HSD11B2: variants seen among roughly 807,000 people sequenced by gnomAD.
HSD11B2 encodes 11-beta-hydroxysteroid dehydrogenase type 2.
HSD11B2 carries 17 observed loss-of-function variants against 20.9 expected under a neutral mutation model. That is an observed-to-expected ratio of 0.81 (90% CI 0.56 to 1.22). HSD11B2 has a LOEUF of 1.22. Among genes scored for constraint, HSD11B2 ranks in the 50% most tolerant of loss-of-function variants. HSD11B2 has a pLI of 0.00. For missense variants in HSD11B2, 480 were observed against 563.6 expected (o/e 0.85, Z 1.50); for synonymous variants, 253 against 255.4 (o/e 0.99, Z 0.09).
At chr16:67,432,171 G>A (rs145739627) in intron 1 of HSD11B2, among the ~76,000 whole-genome samples, 1 of 152,144 alleles carries the variant, frequency 6.6e-6, no homozygotes, top group African/African-American at 2.4e-5. Flanking sequence ...AGCTCTTAGA[G>A]AGCTGGGCTC....
chr16:67,430,944 T>G, upstream of HSD11B2: 1 of 162,118 alleles, frequency 6.2e-6, no homozygotes, highest in Non-Finnish European at 1.3e-5. The surrounding 1 kb of genome is among the most constrained non-coding windows in gnomAD (Gnocchi z 5.4). Context: ...CTTTGGGACT[T>G]TGTTCCGGCT....
At position 67,431,529 on chromosome 16, in the gene HSD11B2, G is replaced by A; in HGVS notation, c.265+16G>A. On this transcript the variant is annotated intron_variant, in intron 1 of 4. Transcript: ENST00000326152. ...CTCATCACCGGTGAGTGCGCGGGTCGCGGAGCGCGGGGACTCCAGGCTCGA... is the reference window on the plus strand; with the variant it reads ...CTCATCACCGGTGAGTGCGCGGGTCACGGAGCGCGGGGACTCCAGGCTCGA... 1 of 1,359,042 alleles carries A rather than the reference G, an allele frequency of 7.4e-7. No homozygotes were observed. The allele number at this position is 1,359,042 out of a possible 1,614,324, so 84.2% of individuals were successfully genotyped here.
Position 67,437,262 on chromosome 16 carries a change from A to G in HSD11B2, c.*259A>G. 1 of 580,154 alleles carries G rather than the reference A, an allele frequency of 1.7e-6. No homozygotes were observed. The highest frequency in any genetic ancestry group is 2.8e-5 in the East Asian group (1 of 35,152). The allele number at this position is 580,154 out of a possible 1,614,324, so 35.9% of individuals were successfully genotyped here. A position where few individuals can be genotyped will look rare whatever the true frequency, so the allele number is the denominator to read the frequency against. ...CACAACGCTCTACCCTGCAGCTTGG[A>G]GAACTCCGCTGGATGGGGAGTCTCA... On this transcript the variant is annotated 3_prime_UTR_variant, in exon 5 of 5. Transcript: ENST00000326152.
At position 67,436,939 on chromosome 16, in the gene HSD11B2, C is replaced by T. The variant is rs200569597; in HGVS notation, c.1154C>T (p.Pro385Leu). The T allele has an allele frequency of 1.2e-6, 2 of 1,612,188 alleles. No individual in the cohort carries two copies. The highest frequency in any genetic ancestry group is 1.7e-6 in the Non-Finnish European group (2 of 1,180,024). Reference protein sequence around the residue: ...ALQPGQPGTTPPQDAAQDPNL... With the variant: ...ALQPGQPGTTLPQDAAQDPNL... ...CAGCCTGGCCAGCCTGGCACTACCC[C>T]ACCACAGGACGCAGCCCAGGACCCA... Residue 385 changes from proline to leucine, a missense_variant, in exon 5 of 5, where the codon CCA becomes CTA. This residue lies in a region of HSD11B2 where 374 missense variants were observed against 480.9 expected (regional missense o/e 0.78). Transcript: ENST00000326152. The surrounding 1 kb of genome is among the most constrained non-coding windows in gnomAD (Gnocchi z 5.7).
intron 1 of HSD11B2, among the ~76,000 whole-genome samples, chr16:67,434,473 GA>G (rs1258143016): frequency 6.6e-6 from 1 of 152,206 alleles, no homozygotes; most frequent in Non-Finnish European, 1.5e-5. Context: ...GTCATTTTTG[GA>G]AAGATCCCTT....
In HSD11B2 at chr16:67,436,456, C is replaced by A; in HGVS notation, c.802+70C>A. 1.3e-6 allele frequency: 2 copies of A among 1,533,998 alleles called. No homozygotes were observed. Among genetic ancestry groups the A allele is most frequent in the African/African-American group, 1.4e-5 (1 of 72,938 alleles). ...TGGGAATGGTCTTATGGGGGCAGGT[C>A]AGGTTTGATGAATGGTCATGGTTTT... On this transcript the variant is annotated intron_variant, in intron 4 of 4. Coordinates refer to ENST00000326152, the MANE Select transcript of HSD11B2 (RefSeq NM_000196.4). This position sits in a 1 kb window ranked among gnomAD's most constrained non-coding sequence, Gnocchi z 5.7.
chr16:67,434,766 C>T (rs1416402311), intron 1 of HSD11B2, among the ~76,000 whole-genome samples: 8 of 152,142 alleles, frequency 5.3e-5, no homozygotes, highest in Non-Finnish European at 7.4e-5. Flanking sequence ...CAGTGGCTCA[C>T]GCCTGTAATC....
At position 67,436,864 on chromosome 16, in the gene HSD11B2, G is replaced by A. The variant is rs1304090192; in HGVS notation, c.1079G>A (p.Arg360His). 9.9e-6 allele frequency: 16 copies of A among 1,613,370 alleles called. No individual in the cohort carries two copies. The highest frequency in any genetic ancestry group is 6.7e-5 in the East Asian group (3 of 44,892). ...IHYYLPEGLR[R>H]RFLQAFFISH... Reference sequence around the variant, plus strand: ...TACTACCTGCCTGAAGGCCTGCGGCGCCGCTTCCTGCAGGCCTTCTTCATC... The same window carrying A: ...TACTACCTGCCTGAAGGCCTGCGGCACCGCTTCCTGCAGGCCTTCTTCATC... Residue 360 changes from arginine (R) to histidine (H), a missense_variant, in exon 5 of 5, where the codon CGC (arginine) becomes CAC (histidine). Arg to His is a conservative substitution (Grantham distance 29). Around this residue, in one of 2 missense-constraint regions of HSD11B2, gnomAD observed 374 missense variants for 480.9 expected, o/e 0.78. Coordinates refer to ENST00000326152, the MANE Select transcript of HSD11B2 (RefSeq NM_000196.4). This position sits in a 1 kb window ranked among gnomAD's most constrained non-coding sequence, Gnocchi z 5.7.
At chr16:67,435,033 A>G (rs1385356461) in intron 1 of HSD11B2, among the ~76,000 whole-genome samples, 1 of 137,366 alleles carries the variant, frequency 7.3e-6, no homozygotes, top group Non-Finnish European at 1.6e-5. Flanking sequence ...CGTCTCAAAC[A>G]AAAAAAAAAA....
chr16:67,434,375 A>C (rs1214318269), intron 1 of HSD11B2, among the ~76,000 whole-genome samples: 2 of 152,172 alleles, frequency 1.3e-5, no homozygotes, highest in Non-Finnish European at 2.9e-5. Context: ...GGTGGGGCTC[A>C]TGTTGTACAG....
In HSD11B2 at chr16:67,431,431, G is replaced by A. The variant is rs2040932672; in HGVS notation, c.183G>A (p.Leu61=). The change falls in exon 1 of 5, where the codon CTG becomes CTA. Residue 61 remains leucine (L), a synonymous_variant. Coordinates refer to ENST00000326152, the MANE Select transcript of HSD11B2 (RefSeq NM_000196.4). ...CCCCGCCGGCCGCACTCGCCGTGCT[G>A]GCCGCCGCCGGCTGGATCGCGTTGT... ...LLPPPAALAV[L]AAAGWIALSR... 7.5e-7 allele frequency: 1 copy of A among 1,331,894 alleles called. No individual in the cohort carries two copies. The allele number at this position is 1,331,894 out of a possible 1,614,324, so 82.5% of individuals were successfully genotyped here.
chr16:67,432,260 G>T (rs1326062468), intron 1 of HSD11B2, among the ~76,000 whole-genome samples: 1 of 86,056 alleles, frequency 1.2e-5, no homozygotes, highest in Non-Finnish European at 2.1e-5. Context: ...GGAAGGGGAA[G>T]GGGGGGGGGG....
rs1248167789 is a variant in HSD11B2, at chr16:67,436,161, T to A, written c.664+19T>A. Reference sequence around the variant, plus strand: ...CCAGCGGGTGAGTGCCCCCCCCCACTGGAGCAAAAAGGAGCCCCCTGGGGT... The same window carrying A: ...CCAGCGGGTGAGTGCCCCCCCCCACAGGAGCAAAAAGGAGCCCCCTGGGGT... On this transcript the variant is annotated intron_variant, in intron 3 of 4. Coordinates refer to ENST00000326152, the MANE Select transcript of HSD11B2 (RefSeq NM_000196.4). This position sits in a 1 kb window ranked among gnomAD's most constrained non-coding sequence, Gnocchi z 5.7. 5.6e-6 allele frequency: 9 copies of A among 1,613,458 alleles called. No individual in the cohort carries two copies. Among genetic ancestry groups the A allele is most frequent in the Non-Finnish European group, 7.6e-6 (9 of 1,179,808 alleles).
At position 67,436,424 on chromosome 16, in the gene HSD11B2, A is replaced by G. The variant is rs45574737; in HGVS notation, c.802+38A>G. 0.099 allele frequency: 83,139 copies of G among 842,036 alleles called. 10,562 individuals are homozygous for G. The highest frequency in any genetic ancestry group is 0.55 in the African/African-American group (28,516 of 51,598). 52.2% of individuals were successfully genotyped at this position (842,036 alleles called of 1,614,324 possible). A position where few individuals can be genotyped will look rare whatever the true frequency, so the allele number is the denominator to read the frequency against. ...GCTGGGGGTGGGGTGGGGGTGGGGA[A>G]TGGGGCTGGGAATGGTCTTATGGGG... is the stretch of plus-strand genomic sequence containing the variant. On this transcript the variant is annotated intron_variant, in intron 4 of 4. Transcript: ENST00000326152. The surrounding 1 kb of genome is among the most constrained non-coding windows in gnomAD (Gnocchi z 5.7).
At position 67,436,466 on chromosome 16, in the gene HSD11B2, G is replaced by T; in HGVS notation, c.802+80G>T. 4 of 1,536,068 alleles carry T rather than the reference G, an allele frequency of 2.6e-6. No individual in the cohort carries two copies. Among genetic ancestry groups the T allele is most frequent in the Non-Finnish European group, 3.5e-6 (4 of 1,132,394 alleles). ...CTTATGGGGGCAGGTCAGGTTTGAT[G>T]AATGGTCATGGTTTTGGTTGGGGGT... On this transcript the variant is annotated intron_variant, in intron 4 of 4. Coordinates refer to ENST00000326152, the MANE Select transcript of HSD11B2 (RefSeq NM_000196.4). This position sits in a 1 kb window ranked among gnomAD's most constrained non-coding sequence, Gnocchi z 5.7.
At chr16:67,435,010 C>G (rs1376044377) in intron 1 of HSD11B2, among the ~76,000 whole-genome samples, 1 of 146,698 alleles carries the variant, frequency 6.8e-6, no homozygotes, top group Non-Finnish European at 1.5e-5. Flanking sequence ...GCCTGGGCAA[C>G]AGAGTGAGAC....
chr16:67,431,256 G>T lies in HSD11B2; in HGVS notation c.8G>T (p.Arg3Leu), dbSNP rs1483639596. ME[R>L]WPWPSGGAWL... is the part of the protein sequence containing the mutation. ...CCAGCCCGCTGGGCCGCCATGGAGC[G>T]CTGGCCTTGGCCGTCGGGCGGCGCC... The change falls in exon 1 of 5, where the codon CGC (arginine) becomes CTC (leucine). Residue 3 changes from arginine (R) to leucine (L), a missense_variant. By Grantham distance (102) the Arg-to-Leu change is moderately radical. Around this residue, in one of 2 missense-constraint regions of HSD11B2, gnomAD observed 106 missense variants for 82.8 expected, o/e 1.28. Transcript: ENST00000326152. 2 of 1,250,702 alleles carry T rather than the reference G, an allele frequency of 1.6e-6. No individual in the cohort carries two copies. Among genetic ancestry groups the T allele is most frequent in the Non-Finnish European group, 2.0e-6 (2 of 988,178 alleles). 77.5% of individuals were successfully genotyped at this position (1,250,702 alleles called of 1,614,324 possible). A position where few individuals can be genotyped will look rare whatever the true frequency, so the allele number is the denominator to read the frequency against.
At position 67,431,204 on chromosome 16, in the gene HSD11B2, C is replaced by T. The variant is rs989804432; in HGVS notation, c.-45C>T. 175 of 1,103,292 alleles carry T rather than the reference C, an allele frequency of 1.6e-4. No individual in the cohort carries two copies. The Middle Eastern group carries it at 3.8e-3, about 24-fold the overall frequency. 68.3% of individuals were successfully genotyped at this position (1,103,292 alleles called of 1,614,324 possible). A position where few individuals can be genotyped will look rare whatever the true frequency, so the allele number is the denominator to read the frequency against. Reference sequence around the variant, plus strand: ...CCTAGAAGCTCTCTCTCCCCGCTCCCCGGCCCGGCCCCCGCCCCGCCCCGC... The same window carrying T: ...CCTAGAAGCTCTCTCTCCCCGCTCCTCGGCCCGGCCCCCGCCCCGCCCCGC... On this transcript the variant is annotated 5_prime_UTR_variant, in exon 1 of 5. Coordinates refer to ENST00000326152, the MANE Select transcript of HSD11B2 (RefSeq NM_000196.4).
intron 1 of HSD11B2, chr16:67,433,032 C>T (rs555265965): frequency 1.3e-5 from 2 of 152,246 alleles, no homozygotes; most frequent in African/African-American, 4.8e-5. Context: ...CCTGAGGTCT[C>T]ACCTCAGGCC....
Sources: allele counts gnomAD v4.1 joint callset (sites outside exome capture counted in the v4.1 genomes callset), GRCh38; gene constraint gnomAD v4.1.1; regional missense constraint gnomAD v4.1.1; non-coding constraint Gnocchi (gnomAD v3.1); transcripts MANE v1.5; gene names NCBI Gene and HGNC (gene_info 2026-07-23, HGNC 2026-07-21).